Variants in NR3C2 observed in about 807,000 individuals in gnomAD.
The protein encoded by NR3C2 is mineralocorticoid receptor.
A neutral mutation model predicts 86.4 loss-of-function variants in NR3C2; 15 were observed. The ratio of observed to expected loss-of-function variants is 0.17; its 90% CI spans 0.12 to 0.27. The LOEUF (loss-of-function observed/expected upper bound fraction) is 0.27, where lower values mean the gene tolerates loss of function less well. NR3C2 is among the 10% of genes least tolerant of loss of function. The pLI is 1.00. For missense variants in NR3C2, 960 were observed against 1,195.6 expected (o/e 0.80, Z 2.91); for synonymous variants, 458 against 450.5 (o/e 1.02, Z -0.21).
intron 8 of NR3C2, among the ~76,000 whole-genome samples, chr4:148,081,962 ACTG>A (rs1578860145): frequency 1.3e-5 from 2 of 152,304 alleles, no homozygotes; most frequent in Non-Finnish European, 2.9e-5. Flanking sequence ...AGGACAGAGC[ACTG>A]CACAGGCAGC....
intron 4 of NR3C2, among the ~76,000 whole-genome samples, chr4:148,174,314 T>C (rs1735268498): frequency 6.6e-6 from 1 of 152,206 alleles, no homozygotes; most frequent in South Asian, 2.1e-4. Flanking sequence ...ATGAGGACTT[T>C]TCTTCACCCA....
chr4:148,188,843 G>A (rs569497380), intron 4 of NR3C2, among the ~76,000 whole-genome samples: 32 of 151,756 alleles, frequency 2.1e-4, no homozygotes, highest in Non-Finnish European at 1.9e-4. Flanking sequence ...AACTTTTCCC[G>A]ATTCAGTATC....
At chr4:148,367,381 C>T (rs187962933) in intron 2 of NR3C2, among the ~76,000 whole-genome samples, 3 of 152,128 alleles carry the variant, frequency 2.0e-5, no homozygotes, top group Admixed American at 2.0e-4. Flanking sequence ...AATGTTAAAT[C>T]AACAATGCCA....
chr4:148,345,821 C>A (rs1744961576), intron 2 of NR3C2, among the ~76,000 whole-genome samples: 1 of 152,080 alleles, frequency 6.6e-6, no homozygotes, highest in African/African-American at 2.4e-5. Context: ...CCTTACTACA[C>A]ACTACACATA....
intron 2 of NR3C2, among the ~76,000 whole-genome samples, chr4:148,431,795 T>C (rs968167692): frequency 2.6e-5 from 4 of 152,190 alleles, no homozygotes; most frequent in Non-Finnish European, 4.4e-5. Flanking sequence ...GTAACACTAA[T>C]ACAAATAATG....
chr4:148,210,445 G>T (rs1454655185), intron 3 of NR3C2, among the ~76,000 whole-genome samples: 2 of 152,030 alleles, frequency 1.3e-5, no homozygotes, highest in Non-Finnish European at 2.9e-5. Flanking sequence ...CCTGCCTCGG[G>T]CTCCCAAAGT....
chr4:148,396,298 C>CTTA (rs1747857552), intron 2 of NR3C2, among the ~76,000 whole-genome samples: 1 of 152,136 alleles, frequency 6.6e-6, no homozygotes, highest in African/African-American at 2.4e-5. Flanking sequence ...TATGTTAGTA[C>CTTA]TTACGAGTAA....
chr4:148,320,565 G>C (rs36135256), intron 2 of NR3C2, among the ~76,000 whole-genome samples: 9,516 of 146,252 alleles, frequency 0.065, 485 homozygotes, highest in African/African-American at 0.14. Flanking sequence ...CCTGTTATTG[G>C]TCTATTCAGA....
chr4:148,415,707 C>T (rs113245433), intron 2 of NR3C2, among the ~76,000 whole-genome samples: 2,429 of 152,296 alleles, frequency 0.016, 38 homozygotes, highest in Admixed American at 0.04. Flanking sequence ...GAACTCTCTA[C>T]TTCTCTGTGA....
At chr4:148,218,073 T>C (rs929446300) in intron 3 of NR3C2, among the ~76,000 whole-genome samples, 1 of 152,184 alleles carries the variant, frequency 6.6e-6, no homozygotes, top group African/African-American at 2.4e-5. Context: ...CAGAGTAGTA[T>C]AAAAGAAAAA....
chr4:148,260,006 G>A lies in NR3C2; in HGVS notation c.1869C>T (p.Cys623=). The A allele has an allele frequency of 6.2e-7, 1 of 1,614,110 alleles. No individual in the cohort carries two copies. The highest frequency in any genetic ancestry group is 1.3e-5 in the African/African-American group (1 of 75,048). ...CCACTGCTCTTTTGAAGAAAACTTT[G>A]CAGCTGCCACAGGTGACTACCCCAT... ...CHYGVVTCGS[C]KVFFKRAVEG... is the part of the protein sequence containing the mutation. The change falls in exon 3 of 9, where the codon TGC becomes TGT. Residue 623 remains cysteine, a synonymous_variant. Transcript: ENST00000358102.
At chr4:148,414,655 T>C (rs375766649) in intron 2 of NR3C2, among the ~76,000 whole-genome samples, 9 of 152,224 alleles carry the variant, frequency 5.9e-5, no homozygotes, top group African/African-American at 2.2e-4. Context: ...TATTACCAGT[T>C]GGTCAGACTT....
chr4:148,443,882 T>G, upstream of NR3C2: 1 of 571,292 alleles, frequency 1.8e-6, no homozygotes, highest in Non-Finnish European at 2.2e-6. Context: ...GGCTGAGACT[T>G]GAACTCTCAG....
chr4:148,187,902 T>C (rs1736006716), intron 4 of NR3C2, among the ~76,000 whole-genome samples: 1 of 152,290 alleles, frequency 6.6e-6, no homozygotes, highest in African/African-American at 2.4e-5. Flanking sequence ...TTGTATAAGG[T>C]GAGGGATGAG....
At chr4:148,334,474 G>C (rs1352334731) in intron 2 of NR3C2, among the ~76,000 whole-genome samples, 1 of 152,176 alleles carries the variant, frequency 6.6e-6, no homozygotes, top group Non-Finnish European at 1.5e-5. Context: ...ACTGGGAAGT[G>C]GAGGTTGCAG....
chr4:148,298,024 T>G (rs1221563600), intron 2 of NR3C2, among the ~76,000 whole-genome samples: 1 of 152,074 alleles, frequency 6.6e-6, no homozygotes, highest in Admixed American at 6.6e-5. Flanking sequence ...TTTAGAAAAA[T>G]GTCCAGCAGT....
intron 3 of NR3C2, among the ~76,000 whole-genome samples, chr4:148,205,712 C>T (rs917561240): frequency 3.3e-5 from 5 of 152,116 alleles, no homozygotes; most frequent in Non-Finnish European, 4.4e-5. Context: ...GGGGCAAGAA[C>T]GGCACATGAA....
chr4:148,206,743 C>G (rs1737028104), intron 3 of NR3C2, among the ~76,000 whole-genome samples: 1 of 152,024 alleles, frequency 6.6e-6, no homozygotes, highest in Admixed American at 6.6e-5. Flanking sequence ...TGAAATAGGA[C>G]TATCTGCTGA....
At position 148,376,408 on chromosome 4, in the gene NR3C2, T is replaced by C. The variant is rs577595296; in HGVS notation, c.1757+58696A>G. Among the ~76,000 whole-genome samples the C allele has an allele frequency of 2.0e-5, 3 of 152,256 alleles. No individual in the cohort carries two copies. The South Asian group carries it at 6.2e-4, about 32-fold the overall frequency. On this transcript the variant is annotated intron_variant, in intron 2 of 8. Coordinates refer to ENST00000358102, the MANE Select transcript of NR3C2 (RefSeq NM_000901.5). The stretch of plus-strand genomic sequence containing the variant: ...AAAGGGCTCAGTGTAGTGCTGCTGG[T>C]TTTGTGTGTTTCAAATATTGTAGAA...
Sources: gnomAD v4.1 joint callset for allele counts (sites outside exome capture counted in the v4.1 genomes callset) on GRCh38, gnomAD v4.1.1 for gene constraint, MANE v1.5 for transcripts, NCBI Gene and HGNC (gene_info 2026-07-23, HGNC 2026-07-21) for gene names.